Variants in VSIG10L observed in about 807,000 individuals in gnomAD.
VSIG10L encodes V-set and immunoglobulin domain containing 10 like.
Under a neutral mutation model 67.3 loss-of-function variants are expected in VSIG10L, and 63 were observed. The ratio of observed to expected loss-of-function variants is 0.94; its 90% confidence interval spans 0.76 to 1.15. VSIG10L has a LOEUF of 1.15. VSIG10L is among the 50% of genes most tolerant of loss of function. The pLI is 0.00. For missense variants in VSIG10L, 1,050 were observed against 1,177.5 expected, an observed-to-expected ratio of 0.89 and a Z score of 1.58; for synonymous variants, 499 against 524.9, an observed-to-expected ratio of 0.95 and a Z score of 0.67.
intron 7 of VSIG10L, among the ~76,000 whole-genome samples, chr19:51,335,287 G>A (rs1036980460): frequency 6.6e-6 from 1 of 152,200 alleles, no homozygotes; most frequent in African/African-American, 2.4e-5. Flanking sequence ...TTTATGTAGA[G>A]CAGCCTCATG....
Position 51,340,355 on chromosome 19 carries a change from G to C in VSIG10L, c.1190-56C>G. Reference sequence around the variant, plus strand: ...GTCAGGGTCACCTGGGACGCCGCTAGGACTCCCGGAGACTGGGTCCCCAGC... The same window carrying C: ...GTCAGGGTCACCTGGGACGCCGCTACGACTCCCGGAGACTGGGTCCCCAGC... On this transcript the variant is annotated intron_variant, in intron 3 of 9. Coordinates refer to ENST00000335624, the MANE Select transcript of VSIG10L (RefSeq NM_001163922.3). The surrounding 1 kb of genome is among the most constrained non-coding windows in gnomAD (Gnocchi z 6.3). 6.8e-7 allele frequency: 1 copy of C among 1,468,468 alleles called. No homozygotes were observed. Among genetic ancestry groups the C allele is most frequent in the Non-Finnish European group, 9.0e-7 (1 of 1,110,330 alleles). 91.0% of individuals were successfully genotyped at this position (1,468,468 alleles called of 1,614,324 possible). A position where few individuals can be genotyped will look rare whatever the true frequency, so the allele number is the denominator to read the frequency against.
In VSIG10L at chr19:51,337,575, G is replaced by A. The variant is rs1350898395; in HGVS notation, c.2009-41C>T. 10 of 1,468,024 alleles carry A rather than the reference G, an allele frequency of 6.8e-6. No individual in the cohort carries two copies. In the African/African-American group the frequency reaches 1.3e-4, roughly 19 times the overall value. The allele number at this position is 1,468,024 out of a possible 1,614,324, so 90.9% of individuals were successfully genotyped here. Reference sequence around the variant, plus strand: ...GGTGGCTGGATTCTTGGGTGCCAGAGGGGAGAGGGAAGGGGGCTGGGGGGC... The same window carrying A: ...GGTGGCTGGATTCTTGGGTGCCAGAAGGGAGAGGGAAGGGGGCTGGGGGGC... On this transcript the variant is annotated intron_variant, in intron 6 of 9. Coordinates refer to ENST00000335624, the MANE Select transcript of VSIG10L (RefSeq NM_001163922.3).
intron 7 of VSIG10L, among the ~76,000 whole-genome samples, chr19:51,336,425 A>G (rs1373949263): frequency 1.3e-5 from 2 of 152,096 alleles, no homozygotes; most frequent in Non-Finnish European, 2.9e-5. Context: ...GTGGTGGCGC[A>G]TGACTGTAAT....
rs1362669222 is a variant in VSIG10L at position 51,340,160 on chromosome 19, C to T, written c.1329G>A (p.Ala443=). The change falls in exon 4 of 10, where the codon GCG becomes GCA. Residue 443 remains alanine, a synonymous_variant. Transcript: ENST00000335624. This position sits in a 1 kb window ranked among gnomAD's most constrained non-coding sequence, Gnocchi z 6.3. ...CGGGCACCGCGGCCTCGGCCGGGTC[C>T]GCCAGGCTCCACGTGATGTCGGCGG... ...RPPADITWSL[A]DPAEAAVPAG... 3 of 1,386,006 alleles carry T rather than the reference C, an allele frequency of 2.2e-6. No homozygotes were observed. The highest frequency in any genetic ancestry group is 3.2e-5 in the Admixed American group (1 of 31,218). 85.9% of individuals were successfully genotyped at this position (1,386,006 alleles called of 1,614,324 possible).
Position 51,332,210 on chromosome 19 carries a change from T to C in VSIG10L, c.*401A>G, listed in dbSNP as rs745859235. 2 of 332,782 alleles carry C rather than the reference T, an allele frequency of 6.0e-6. No individual in the cohort carries two copies. Among genetic ancestry groups the C allele is most frequent in the Non-Finnish European group, 1.2e-5 (2 of 169,918 alleles). The allele number at this position is 332,782 out of a possible 1,614,324, so 20.6% of individuals were successfully genotyped here. On this transcript the variant is annotated 3_prime_UTR_variant, in exon 10 of 10. Coordinates refer to ENST00000335624, the MANE Select transcript of VSIG10L (RefSeq NM_001163922.3). ...CTGATCTGTTTTAAGATGAAGATGCTGGGAGCTGGATGGGGTGTGGCCTAC... is the reference window on the plus strand; with the variant it reads ...CTGATCTGTTTTAAGATGAAGATGCCGGGAGCTGGATGGGGTGTGGCCTAC...
Position 51,341,426 on chromosome 19 carries a change from G to A in VSIG10L, c.622C>T (p.Arg208Trp), listed in dbSNP as rs764647347. ...TTGGGGATTGGGACTAGGGGGAGCC[G>A]GATGGTGGTCCCCACCAGCACAGCG... ...PLAVLVGTTIRLPLVPIPNPG... is the reference protein window; with the variant it reads ...PLAVLVGTTIWLPLVPIPNPG... The change falls in exon 2 of 10, where the codon CGG becomes TGG. Residue 208 changes from arginine to tryptophan, a missense_variant. By Grantham distance (101) the Arg-to-Trp change is moderately radical. Around this residue, in one of 3 missense-constraint regions of VSIG10L, gnomAD observed 511 missense variants for 557.9 expected, o/e 0.92. Transcript: ENST00000335624. 49 of 1,533,528 alleles carry A rather than the reference G, an allele frequency of 3.2e-5. No homozygotes were observed. The highest frequency in any genetic ancestry group is 4.0e-5 in the Non-Finnish European group (46 of 1,138,446). 95.0% of individuals were successfully genotyped at this position (1,533,528 alleles called of 1,614,324 possible).
At chr19:51,338,322 C>T (rs551072962) in intron 5 of VSIG10L, 114 bp from the exon 6 acceptor site, 28 of 1,210,316 alleles carry the variant, frequency 2.3e-5, no homozygotes, top group Admixed American at 6.7e-5. Flanking sequence ...CTTTGGCCAC[C>T]TGAGAAAGAA....
intron 7 of VSIG10L, among the ~76,000 whole-genome samples, chr19:51,336,918 C>T (rs918485149): frequency 6.6e-6 from 1 of 152,222 alleles, no homozygotes; most frequent in East Asian, 1.9e-4. Flanking sequence ...AGGCGCCCGC[C>T]ACCGCGCCAG....
Position 51,340,638 on chromosome 19 carries a change from C to A in VSIG10L, c.984G>T (p.Gly328=). 6.5e-7 allele frequency: 1 copy of A among 1,533,724 alleles called. No homozygotes were observed. The highest frequency in any genetic ancestry group is 1.4e-5 in the African/African-American group (1 of 73,012). The change falls in exon 3 of 10, where the codon GGG becomes GGT. Residue 328 remains glycine, a synonymous_variant. Transcript: ENST00000335624. This position sits in a 1 kb window ranked among gnomAD's most constrained non-coding sequence, Gnocchi z 6.3. ...AELRLRCLGW[G]PGRGELSWSR... is the part of the protein sequence containing the mutation. Reference sequence around the variant, plus strand: ...TCCAGCTCAGCTCCCCGCGACCTGGCCCCCACCCCAGGCAGCGCAGCCGGA... The same window carrying A: ...TCCAGCTCAGCTCCCCGCGACCTGGACCCCACCCCAGGCAGCGCAGCCGGA...
rs1985601582 is a variant in VSIG10L, at chr19:51,340,358, C to T, written c.1190-59G>A. ...AGGGTCACCTGGGACGCCGCTAGGA[C>T]TCCCGGAGACTGGGTCCCCAGCCCG... is the stretch of plus-strand genomic sequence containing the variant. On this transcript the variant is annotated intron_variant, in intron 3 of 9. Transcript: ENST00000335624. This position sits in a 1 kb window ranked among gnomAD's most constrained non-coding sequence, Gnocchi z 6.3. The T allele has an allele frequency of 6.8e-7, 1 of 1,463,928 alleles. No individual in the cohort carries two copies. Among genetic ancestry groups the T allele is most frequent in the African/African-American group, 1.4e-5 (1 of 69,630 alleles). The allele number at this position is 1,463,928 out of a possible 1,614,324, so 90.7% of individuals were successfully genotyped here.
In VSIG10L at chr19:51,339,127, G is replaced by A. The variant is rs981765664; in HGVS notation, c.1490C>T (p.Ala497Val). Residue 497 changes from alanine to valine, a missense_variant, in exon 5 of 10, where the codon GCC (alanine) becomes GTC (valine). Physicochemically the swap from Ala to Val is moderately conservative, Grantham distance 64. Transcript: ENST00000335624. ...NLTVADLPPG[A>V]PQCSVEGGPG... ...ACCCCCTTCAACTGAGCACTGTGGGGCCCCGGGGGGCAGGTCTGCGGAGAG... is the reference window on the plus strand; with the variant it reads ...ACCCCCTTCAACTGAGCACTGTGGGACCCCGGGGGGCAGGTCTGCGGAGAG... 4 of 1,310,540 alleles carry A rather than the reference G, an allele frequency of 3.1e-6. No homozygotes were observed. The highest frequency in any genetic ancestry group is 3.9e-6 in the Non-Finnish European group (4 of 1,021,352). The allele number at this position is 1,310,540 out of a possible 1,614,324, so 81.2% of individuals were successfully genotyped here. A position where few individuals can be genotyped will look rare whatever the true frequency, so the allele number is the denominator to read the frequency against.
intron 4 of VSIG10L, 138 bp from the exon 5 acceptor site, chr19:51,339,280 C>T: frequency 1.0e-6 from 1 of 968,106 alleles, no homozygotes; most frequent in Non-Finnish European, 1.4e-6. Context: ...TTCCTGCGAT[C>T]CCGTTCCCTT....
chr19:51,339,270 T>C (rs1040362599), intron 4 of VSIG10L, 128 bp from the exon 5 acceptor site: 28 of 1,015,302 alleles, frequency 2.8e-5, no homozygotes, highest in Non-Finnish European at 3.6e-5. Context: ...CTCCCCACTT[T>C]TCCTGCGATC....
In VSIG10L at chr19:51,334,255, C is replaced by G. The variant is rs1308713649; in HGVS notation, c.2355G>C (p.Leu785=). The G allele has an allele frequency of 6.4e-7, 1 of 1,551,748 alleles. No individual in the cohort carries two copies. The highest frequency in any genetic ancestry group is 1.4e-5 in the African/African-American group (1 of 73,168). The change falls in exon 8 of 10, where the codon CTG becomes CTC. Residue 785 remains leucine (L), a synonymous_variant. Transcript: ENST00000335624. ...GAIAGIVLGS[L]LGLALLAVLL... ...GTACGGCTAGCAGCGCCAGGCCCAGCAGGGAGCCCAGGACGATGCCAGCGA... is the reference window on the plus strand; with the variant it reads ...GTACGGCTAGCAGCGCCAGGCCCAGGAGGGAGCCCAGGACGATGCCAGCGA...
chr19:51,333,669 A>T, intron 9 of VSIG10L, 122 bp downstream of exon 9: 1 of 1,212,938 alleles, frequency 8.2e-7, no homozygotes, highest in Non-Finnish European at 1.1e-6. Flanking sequence ...GGATAAAGTT[A>T]TACAGACTGT....
Position 51,340,054 on chromosome 19 carries a change from C to A in VSIG10L, c.1435G>T (p.Gly479Cys). ...YACLAANPRT[G>C]RRRRSLLNLT... ...TTGAGCAGCGAGCGGCGGCGGCGGC[C>A]GGTACGCGGGTTCGCCGCCAGGCAG... is the stretch of plus-strand genomic sequence containing the variant. Residue 479 changes from glycine to cysteine, a missense_variant, in exon 4 of 10, where the codon GGC becomes TGC. Coordinates refer to ENST00000335624, the MANE Select transcript of VSIG10L (RefSeq NM_001163922.3). This position sits in a 1 kb window ranked among gnomAD's most constrained non-coding sequence, Gnocchi z 6.3. 2.1e-6 allele frequency: 3 copies of A among 1,436,716 alleles called. No individual in the cohort carries two copies. Among genetic ancestry groups the A allele is most frequent in the South Asian group, 1.4e-5 (1 of 73,588 alleles). The allele number at this position is 1,436,716 out of a possible 1,614,324, so 89.0% of individuals were successfully genotyped here.
In VSIG10L at chr19:51,338,940, G is replaced by A; in HGVS notation, c.1677C>T (p.Ile559=). ...CCACCAGGTGGCGAGCAAGGCAGGT[G>A]ATGGGGACGCCGCTGAGCCGGGGGT... ...PAHPRLSGVP[I]TCLARHLVAT... The change falls in exon 5 of 10, where the codon ATC becomes ATT. Residue 559 remains isoleucine (I), a synonymous_variant. Transcript: ENST00000335624. The A allele has an allele frequency of 1.4e-6, 2 of 1,446,872 alleles. No homozygotes were observed. The highest frequency in any genetic ancestry group is 2.8e-5 in the Admixed American group (1 of 36,182). The allele number at this position is 1,446,872 out of a possible 1,614,324, so 89.6% of individuals were successfully genotyped here. A position where few individuals can be genotyped will look rare whatever the true frequency, so the allele number is the denominator to read the frequency against.
chr19:51,341,014 T>A, intron 2 of VSIG10L, 139 bp downstream of exon 2: 1 of 1,293,916 alleles, frequency 7.7e-7, no homozygotes, highest in Non-Finnish European at 1.0e-6. Context: ...TGCCTTGACC[T>A]CTAGCTCTTT....
chr19:51,338,752 T>C, intron 5 of VSIG10L, 136 bp downstream of exon 5: 1 of 1,079,612 alleles, frequency 9.3e-7, no homozygotes. Context: ...GTCCCTTTTC[T>C]AGTTTGAAGA....
Sources: allele counts gnomAD v4.1 joint callset (sites outside exome capture counted in the v4.1 genomes callset), GRCh38; gene constraint gnomAD v4.1.1; regional missense constraint gnomAD v4.1.1; non-coding constraint Gnocchi (gnomAD v3.1); transcripts MANE v1.5; gene names NCBI Gene and HGNC (gene_info 2026-07-23, HGNC 2026-07-21).